The following ANLN variants were observed in gnomAD, a reference collection of about 807,000 sequenced individuals.
The protein encoded by ANLN is anillin.
Under a neutral mutation model 135.1 loss-of-function variants are expected in ANLN, and 59 were observed. The observed-to-expected ratio is 0.44, with a 90% CI of 0.35 to 0.54. The LOEUF (loss-of-function observed/expected upper bound fraction) is 0.54. Among genes scored for constraint, ANLN ranks in the 20% least tolerant of loss-of-function variants. ANLN has a pLI of 0.00. For missense variants in ANLN, 1,182 were observed against 1,340.0 expected, an observed-to-expected ratio of 0.88 and a Z score of 1.84; for synonymous variants, 406 against 456.4, an observed-to-expected ratio of 0.89 and a Z score of 1.41.
chr7:36,401,673 G>A (rs1284120453), intron 3 of ANLN, among the ~76,000 whole-genome samples: 1 of 120,360 alleles, frequency 8.3e-6, no homozygotes, highest in Non-Finnish European at 1.8e-5. Context: ...ATAGTCTATG[G>A]TGTCAATTAA....
At chr7:36,428,734 G>T (rs1001431352) in intron 20 of ANLN, among the ~76,000 whole-genome samples, 12 of 148,522 alleles carry the variant, frequency 8.1e-5, no homozygotes, top group African/African-American at 3.0e-4. Context: ...TTTTTGACCT[G>T]TATACTGGAA....
chr7:36,435,275 A>G (rs1315199710), intron 20 of ANLN, among the ~76,000 whole-genome samples: 1 of 152,172 alleles, frequency 6.6e-6, no homozygotes, highest in African/African-American at 2.4e-5. Flanking sequence ...ACTACAGGCA[A>G]CCATTCTTCT....
intron 3 of ANLN, 70 bp from the exon 4 acceptor site, chr7:36,406,111 T>TAA: frequency 6.9e-7 from 1 of 1,443,840 alleles, no homozygotes; most frequent in Admixed American, 2.2e-5. Context: ...CAGCATAGAG[T>TAA]GATCCTGGTA....
chr7:36,431,557 GTGTT>G (rs1199451760), intron 20 of ANLN, among the ~76,000 whole-genome samples: 8 of 72,920 alleles, frequency 1.1e-4, no homozygotes, highest in East Asian at 5.1e-4. Context: ...ATATATGTGT[GTGTT>G]TGTGTGTGTG....
intron 22 of ANLN, among the ~76,000 whole-genome samples, chr7:36,447,294 C>T (rs1269106316): frequency 6.6e-6 from 1 of 152,090 alleles, no homozygotes; most frequent in Non-Finnish European, 1.5e-5. Flanking sequence ...AAGACTTTCA[C>T]CTTTTCACTT....
chr7:36,419,050 A>G (rs1404552128), intron 9 of ANLN, among the ~76,000 whole-genome samples, 194 bp from the exon 10 acceptor site: 4 of 152,076 alleles, frequency 2.6e-5, no homozygotes, highest in South Asian at 2.1e-4. Flanking sequence ...CATTTCTTAG[A>G]AAGTGTTATT....
intron 6 of ANLN, 138 bp downstream of exon 6, chr7:36,410,842 A>T: frequency 1.0e-6 from 1 of 975,398 alleles, no homozygotes; most frequent in South Asian, 1.7e-5. Context: ...TTCAGACAAG[A>T]TTGGGCACAT....
In ANLN at chr7:36,426,927, C is replaced by T; in HGVS notation, c.2782C>T (p.Pro928Ser). Residue 928 changes from proline (P) to serine (S), a missense_variant, in exon 20 of 24, where the codon CCA (proline) becomes TCA (serine). Coordinates refer to ENST00000265748, the MANE Select transcript of ANLN (RefSeq NM_018685.5). ...SNIHSSVMAS[P>S]GGLSAVRTSN... ...CTCGTTCTTCACAGTCATGGCCAGT[C>T]CAGGAGGTCTTAGTGCTGTGCGAAC... 1 of 1,604,454 alleles carries T rather than the reference C, an allele frequency of 6.2e-7. No individual in the cohort carries two copies. Among genetic ancestry groups the T allele is most frequent in the Non-Finnish European group, 8.5e-7 (1 of 1,176,652 alleles).
chr7:36,396,854 T>G (rs1786721642), intron 2 of ANLN, among the ~76,000 whole-genome samples: 1 of 152,106 alleles, frequency 6.6e-6, no homozygotes, highest in Non-Finnish European at 1.5e-5. Context: ...TAATGAACCC[T>G]TTTCACTCTC....
chr7:36,424,752 A>G lies in ANLN; in HGVS notation c.2709+10A>G. On this transcript the variant is annotated intron_variant, in intron 17 of 23. Transcript: ENST00000265748. The stretch of plus-strand genomic sequence containing the variant: ...AACATCCAAGTCCAAGGTGAGAATT[A>G]AAGAAACCCAGTAAAAATATTTTCA... 1 of 1,606,282 alleles carries G rather than the reference A, an allele frequency of 6.2e-7. No homozygotes were observed. Among genetic ancestry groups the G allele is most frequent in the East Asian group, 2.2e-5 (1 of 44,712 alleles).
chr7:36,427,975 T>A (rs1788156251), intron 20 of ANLN, among the ~76,000 whole-genome samples: 1 of 152,196 alleles, frequency 6.6e-6, no homozygotes, highest in Non-Finnish European at 1.5e-5. Context: ...TGAAGAAGTG[T>A]AAAAATTAGA....
intron 2 of ANLN, among the ~76,000 whole-genome samples, chr7:36,397,043 T>C (rs1475412099): frequency 6.6e-6 from 1 of 151,968 alleles, no homozygotes; most frequent in African/African-American, 2.4e-5. Flanking sequence ...TTTCCTGGAG[T>C]GTAGAATAGT....
chr7:36,443,960 T>A, intron 22 of ANLN, 98 bp downstream of exon 22: 1 of 792,004 alleles, frequency 1.3e-6, no homozygotes, highest in Non-Finnish European at 2.0e-6. Flanking sequence ...TCACCCAAAT[T>A]AATAACCCTT....
intron 20 of ANLN, among the ~76,000 whole-genome samples, chr7:36,438,434 T>C (rs1788634034): frequency 6.6e-6 from 1 of 152,170 alleles, no homozygotes; most frequent in South Asian, 2.1e-4. Flanking sequence ...TGCAGTGGCA[T>C]GATCATAGCT....
chr7:36,444,323 T>C (rs2116805710), intron 22 of ANLN, among the ~76,000 whole-genome samples: 1 of 151,678 alleles, frequency 6.6e-6, no homozygotes, highest in South Asian at 2.1e-4. Flanking sequence ...GTTGTAGGTG[T>C]GTGTGTGTGT....
chr7:36,415,630 A>G (rs1787606875), intron 7 of ANLN, 128 bp from the exon 8 acceptor site: 1 of 1,041,362 alleles, frequency 9.6e-7, no homozygotes, highest in South Asian at 2.1e-5. Context: ...CACATACACT[A>G]TCTCTTTGGT....
chr7:36,420,081 A>G, intron 10 of ANLN, 88 bp from the exon 11 acceptor site: 1 of 1,306,252 alleles, frequency 7.7e-7, no homozygotes, highest in Non-Finnish European at 1.0e-6. Context: ...TTTTTTTCTT[A>G]ATATTAATGG....
At chr7:36,449,869 C>T (rs2116836264) in intron 23 of ANLN, 32 bp downstream of exon 23, 1 of 1,593,668 alleles carries the variant, frequency 6.3e-7, no homozygotes, top group Non-Finnish European at 8.6e-7. Flanking sequence ...TTTCTATCAA[C>T]TAAGCAATTG....
intron 22 of ANLN, among the ~76,000 whole-genome samples, chr7:36,448,698 A>G (rs1732340526): frequency 6.6e-6 from 1 of 152,136 alleles, no homozygotes; most frequent in Admixed American, 6.5e-5. Context: ...TTAATGTATC[A>G]TATTTGCTGG....
Sources: gnomAD v4.1 joint callset for allele counts (sites outside exome capture counted in the v4.1 genomes callset) on GRCh38, gnomAD v4.1.1 for gene constraint, MANE v1.5 for transcripts, NCBI Gene and HGNC (gene_info 2026-07-23, HGNC 2026-07-21) for gene names.